ROPN1: variants seen among roughly 807,000 people sequenced by gnomAD.
ROPN1 encodes the protein ropporin-1A.
ROPN1 carries 14 observed loss-of-function variants against 20.5 expected under a neutral mutation model. That is an observed-to-expected ratio of 0.68 (90% CI 0.45 to 1.07). The LOEUF (loss-of-function observed/expected upper bound fraction) is 1.07. Ranked by LOEUF, ROPN1 falls within the 50% of genes least tolerant of loss-of-function variation. ROPN1 has a pLI of 0.00. For missense variants in ROPN1, 169 were observed against 242.8 expected (o/e 0.70, Z 2.02); for synonymous variants, 76 against 95.7 (o/e 0.79, Z 1.20).
intron 1 of ROPN1, among the ~76,000 whole-genome samples, chr3:123,988,568 A>G (rs1476563848): frequency 2.0e-5 from 3 of 152,130 alleles, no homozygotes; most frequent in Non-Finnish European, 1.5e-5. Flanking sequence ...GGCCTTTTCC[A>G]AAGCAAAACA....
rs1411884678 is a variant in ROPN1, at chr3:123,980,459, G to A, written c.23C>T (p.Thr8Ile). 1.2e-6 allele frequency: 2 copies of A among 1,614,076 alleles called. No individual in the cohort carries two copies. Among genetic ancestry groups the A allele is most frequent in the Non-Finnish European group, 8.5e-7 (1 of 1,180,042 alleles). ...CTTCGGCAGCTCCGGCGGGATGCAT[G>A]TTGGCTTATCTGTCTGAGCCATTGA... MAQTDKP[T>I]CIPPELPKML... The change falls in exon 2 of 6, where the codon ACA (threonine) becomes ATA (isoleucine). Residue 8 changes from threonine (T) to isoleucine (I), a missense_variant. Physicochemically the swap from Thr to Ile is moderately conservative, Grantham distance 89. Around this residue, in one of 3 missense-constraint regions of ROPN1, gnomAD observed 84 missense variants for 99.3 expected, o/e 0.85. Coordinates refer to ENST00000405845, the MANE Select transcript of ROPN1 (RefSeq NM_001317774.2).
At chr3:123,974,829 C>T (rs530750374) in intron 4 of ROPN1, 1 of 164,236 alleles carries the variant, frequency 6.1e-6, no homozygotes, top group Admixed American at 5.5e-5. Flanking sequence ...CAATATCAAA[C>T]AAGTCAAATT....
At chr3:123,983,594 T>G (rs2038194318) in intron 1 of ROPN1, among the ~76,000 whole-genome samples, 1 of 152,230 alleles carries the variant, frequency 6.6e-6, no homozygotes, top group Non-Finnish European at 1.5e-5. Context: ...CTGCAAGCTC[T>G]TTTCATTTTG....
chr3:123,974,031 C>T (rs1187744141), intron 4 of ROPN1, among the ~76,000 whole-genome samples: 1 of 152,144 alleles, frequency 6.6e-6, no homozygotes, highest in Non-Finnish European at 1.5e-5. Flanking sequence ...TGAGGAAAAA[C>T]CTGAGATACT....
intron 1 of ROPN1, among the ~76,000 whole-genome samples, chr3:123,982,690 C>A (rs1314284656): frequency 1.3e-5 from 2 of 152,114 alleles, no homozygotes; most frequent in Non-Finnish European, 2.9e-5. Flanking sequence ...CTTATTTGCT[C>A]ATGTTGTCTG....
intron 1 of ROPN1, chr3:123,991,126 T>A (rs2038398880): frequency 6.6e-6 from 1 of 151,414 alleles, no homozygotes; most frequent in South Asian, 2.1e-4. Context: ...CTGCTTAACC[T>A]TCCCTGATTA....
At chr3:123,979,997 A>G in intron 2 of ROPN1, 1 of 470,522 alleles carries the variant, frequency 2.1e-6, no homozygotes, top group Non-Finnish European at 3.8e-6. Context: ...AGAAAGGCAG[A>G]TTAAGCTTCG....
intron 1 of ROPN1, among the ~76,000 whole-genome samples, chr3:123,990,275 AGGAGGAGGAGGAAGAAAAGAGGAGGT>A (rs1476257456): frequency 1.3e-5 from 2 of 152,200 alleles, no homozygotes; most frequent in East Asian, 1.9e-4. Context: ...CTACTGAAGG[AGGAGGAGGAGGAAGAAAAGAGGAGGT>A]GGAGGAGGAG....
At chr3:123,977,911 C>T (rs1450643818) in intron 2 of ROPN1, among the ~76,000 whole-genome samples, 3 of 152,108 alleles carry the variant, frequency 2.0e-5, no homozygotes, top group East Asian at 1.9e-4. Flanking sequence ...GGACATGAGC[C>T]GCTGACATGT....
intron 1 of ROPN1, 189 bp from the exon 2 acceptor site, chr3:123,980,682 A>G: frequency 1.9e-6 from 1 of 525,950 alleles, no homozygotes; most frequent in East Asian, 2.9e-5. Flanking sequence ...TTTTGTTGGA[A>G]ATAGTTATGT....
At chr3:123,971,238 T>G (rs1486496495) in intron 4 of ROPN1, among the ~76,000 whole-genome samples, 1 of 152,206 alleles carries the variant, frequency 6.6e-6, no homozygotes, top group Non-Finnish European at 1.5e-5. Flanking sequence ...AGATGAGGCT[T>G]CTCTAACTGT....
chr3:123,987,260 C>A (rs2038282294), intron 1 of ROPN1, among the ~76,000 whole-genome samples: 1 of 152,364 alleles, frequency 6.6e-6, no homozygotes, highest in African/African-American at 2.4e-5. Context: ...CTTGCTAGTT[C>A]AACTCACTCG....
At chr3:123,988,466 G>T (rs1034475871) in intron 1 of ROPN1, among the ~76,000 whole-genome samples, 1 of 152,152 alleles carries the variant, frequency 6.6e-6, no homozygotes, top group African/African-American at 2.4e-5. Context: ...GGGCTCTGAG[G>T]GGGTGAATGC....
chr3:123,970,343 T>C, intron 4 of ROPN1, 126 bp from the exon 5 acceptor site: 2 of 809,266 alleles, frequency 2.5e-6, no homozygotes, highest in Non-Finnish European at 3.8e-6. Context: ...AATTTAAGAT[T>C]CTAGAAAGCT....
intron 3 of ROPN1, chr3:123,975,850 T>C (rs1047909826): frequency 3.2e-5 from 12 of 374,894 alleles, no homozygotes; most frequent in Admixed American, 2.4e-4. Flanking sequence ...AATTGTTTTA[T>C]TCCTTATATG....
chr3:123,985,104 T>A (rs59846715), intron 1 of ROPN1, among the ~76,000 whole-genome samples: 169 of 152,342 alleles, frequency 1.1e-3, no homozygotes, highest in African/African-American at 3.6e-3. Context: ...TTTATAGTAA[T>A]ACAAAATGTA....
intron 2 of ROPN1, chr3:123,979,566 C>T: frequency 5.3e-6 from 2 of 380,818 alleles, no homozygotes; most frequent in South Asian, 4.0e-5. Flanking sequence ...GCTTTCTGTG[C>T]AAAGCTACTT....
chr3:123,971,596 A>C (rs2037920816), intron 4 of ROPN1, among the ~76,000 whole-genome samples: 1 of 152,156 alleles, frequency 6.6e-6, no homozygotes, highest in Non-Finnish European at 1.5e-5. Context: ...GAGGGCAGGC[A>C]TGGGGCCAAC....
At position 123,976,915 on chromosome 3, in the gene ROPN1, C is replaced by G. The variant is rs988164833; in HGVS notation, c.183G>C (p.Leu61Phe). 1.3e-6 allele frequency: 2 copies of G among 1,587,978 alleles called. No homozygotes were observed. Among genetic ancestry groups the G allele is most frequent in the Non-Finnish European group, 1.7e-6 (2 of 1,165,030 alleles). The change falls in exon 3 of 6, where the codon TTG becomes TTC. Residue 61 changes from leucine (L) to phenylalanine (F), a missense_variant. Around this residue, in one of 3 missense-constraint regions of ROPN1, gnomAD observed 84 missense variants for 99.3 expected, o/e 0.85. Transcript: ENST00000405845. ...CAGGTGTTAGCTCTGCCCGGTTACA[C>G]AAAGCGACTCGCTCAGACCGCTCTC... ...PVRERSERVALCNRAELTPEL... is the reference protein window; with the variant it reads ...PVRERSERVAFCNRAELTPEL...
Sources: allele counts gnomAD v4.1 joint callset (sites outside exome capture counted in the v4.1 genomes callset), GRCh38; gene constraint gnomAD v4.1.1; regional missense constraint gnomAD v4.1.1; transcripts MANE v1.5; gene names NCBI Gene and HGNC (gene_info 2026-07-23, HGNC 2026-07-21).